TGFA: variants seen among roughly 807,000 people sequenced by gnomAD.
TGFA encodes protransforming growth factor alpha.
In TGFA, 12 loss-of-function variants were observed where a neutral mutation model predicts 21.7. That is an observed-to-expected ratio of 0.55 (90% CI 0.35 to 0.90). TGFA has a LOEUF of 0.90. TGFA is among the 40% of genes least tolerant of loss of function. The pLI is 0.01. For synonymous variants in TGFA, 79 were observed against 88.1 expected (o/e 0.90, Z 0.58); for missense variants, 178 against 210.8 (o/e 0.84, Z 0.96).
intron 2 of TGFA, among the ~76,000 whole-genome samples, chr2:70,477,628 G>A (rs995898570): frequency 2.0e-5 from 3 of 152,174 alleles, no homozygotes; most frequent in East Asian, 1.9e-4. Flanking sequence ...TCTCAGCAGA[G>A]GTAACATGCT....
chr2:70,486,162 G>A (rs1184621650), intron 2 of TGFA, among the ~76,000 whole-genome samples: 2 of 152,172 alleles, frequency 1.3e-5, no homozygotes, highest in African/African-American at 4.8e-5. Context: ...TCTTGCAGAT[G>A]GAGGTCTATA....
intron 1 of TGFA, among the ~76,000 whole-genome samples, chr2:70,535,123 G>A (rs782506625): frequency 6.6e-6 from 1 of 152,100 alleles, no homozygotes; most frequent in Non-Finnish European, 1.5e-5. Flanking sequence ...AATATGTAAG[G>A]TACTGGAAGA....
chr2:70,543,980 T>G (rs1673213972), intron 1 of TGFA, among the ~76,000 whole-genome samples: 2 of 152,150 alleles, frequency 1.3e-5, no homozygotes, highest in Non-Finnish European at 2.9e-5. Flanking sequence ...AAAGGTGGCT[T>G]TAACATAATT....
Position 70,449,647 on chromosome 2 carries a change from T to A in TGFA, c.*1212A>T, listed in dbSNP as rs782586831. ...CTGAATGGAAATGAGGAAAAAAAAA[T>A]TACTGGAATAGTTTTCCTAGTGCTC... On this transcript the variant is annotated 3_prime_UTR_variant, in exon 6 of 6. Coordinates refer to ENST00000295400, the MANE Select transcript of TGFA (RefSeq NM_003236.4). The A allele has an allele frequency of 1.2e-5, 3 of 244,628 alleles. No homozygotes were observed. The highest frequency in any genetic ancestry group is 4.6e-5 in the African/African-American group (2 of 43,562). 15.2% of individuals were successfully genotyped at this position (244,628 alleles called of 1,614,324 possible).
chr2:70,500,626 T>G (rs1455857080), intron 2 of TGFA, among the ~76,000 whole-genome samples: 1 of 152,166 alleles, frequency 6.6e-6, no homozygotes, highest in Non-Finnish European at 1.5e-5. Context: ...ACGTGACCAG[T>G]AGGGAGGAAG....
chr2:70,480,515 A>G (rs1244495311), intron 2 of TGFA, among the ~76,000 whole-genome samples: 1 of 152,152 alleles, frequency 6.6e-6, no homozygotes, highest in Non-Finnish European at 1.5e-5. Flanking sequence ...AGATTGGACT[A>G]AGGGAGGAGT....
At chr2:70,524,471 T>C (rs1483157140) in intron 1 of TGFA, among the ~76,000 whole-genome samples, 2 of 152,192 alleles carry the variant, frequency 1.3e-5, no homozygotes, top group African/African-American at 4.8e-5. Context: ...TCCAAATTCC[T>C]GGAATTTCAA....
chr2:70,513,240 C>T (rs1553501176), intron 2 of TGFA, among the ~76,000 whole-genome samples: 1 of 152,078 alleles, frequency 6.6e-6, no homozygotes, highest in Non-Finnish European at 1.5e-5. Context: ...AGTGTTTGGG[C>T]AGGTCACCAG....
chr2:70,454,164 G>T (rs77711165), intron 4 of TGFA, among the ~76,000 whole-genome samples: 1 of 152,182 alleles, frequency 6.6e-6, no homozygotes, highest in African/African-American at 2.4e-5. Flanking sequence ...CCTGGGCTAG[G>T]GTTGGAGTTA....
intron 2 of TGFA, among the ~76,000 whole-genome samples, chr2:70,496,185 G>A (rs1671574106): frequency 6.6e-6 from 1 of 152,044 alleles, no homozygotes; most frequent in Non-Finnish European, 1.5e-5. Flanking sequence ...CTGAAGCTTG[G>A]ACACTGCTTT....
intron 2 of TGFA, among the ~76,000 whole-genome samples, chr2:70,466,712 A>G (rs192467989): frequency 6.6e-5 from 10 of 152,334 alleles, no homozygotes; most frequent in Non-Finnish European, 1.3e-4. Context: ...AAATCATTCT[A>G]TGATAAAGAT....
intron 1 of TGFA, among the ~76,000 whole-genome samples, chr2:70,521,617 G>GTTTTT (rs35177436): frequency 0.017 from 1,485 of 86,850 alleles, 31 homozygotes; most frequent in East Asian, 0.019. Context: ...TTGTTTGTTT[G>GTTTTT]TTTTTTTTTT....
intron 2 of TGFA, among the ~76,000 whole-genome samples, chr2:70,482,740 A>G (rs1553495929): frequency 6.7e-6 from 1 of 149,698 alleles, no homozygotes; most frequent in African/African-American, 2.5e-5. Flanking sequence ...TTGAGTCTTT[A>G]TTCTATCATC....
At chr2:70,455,511 G>C (rs76862137) in intron 4 of TGFA, among the ~76,000 whole-genome samples, 3,729 of 152,284 alleles carry the variant, frequency 0.024, 174 homozygotes, top group African/African-American at 0.085. Context: ...ACTGTCCTGT[G>C]ACTTCTTTGT....
At chr2:70,526,401 A>C (rs1275767014) in intron 1 of TGFA, among the ~76,000 whole-genome samples, 1 of 152,212 alleles carries the variant, frequency 6.6e-6, no homozygotes, top group Non-Finnish European at 1.5e-5. Flanking sequence ...CTTTTGGTCC[A>C]CTGCCAGATT....
At chr2:70,542,930 C>G (rs1419699364) in intron 1 of TGFA, among the ~76,000 whole-genome samples, 1 of 151,858 alleles carries the variant, frequency 6.6e-6, no homozygotes, top group Non-Finnish European at 1.5e-5. Context: ...TGGTGAAACC[C>G]TATCTCTACT....
At chr2:70,490,294 C>G (rs1559116733) in intron 2 of TGFA, among the ~76,000 whole-genome samples, 1 of 152,188 alleles carries the variant, frequency 6.6e-6, no homozygotes, top group Non-Finnish European at 1.5e-5. Flanking sequence ...ACGAATTGCA[C>G]TATTCAGAGA....
At chr2:70,549,545 G>T (rs117678205) in intron 1 of TGFA, among the ~76,000 whole-genome samples, 1 of 152,136 alleles carries the variant, frequency 6.6e-6, no homozygotes, top group Non-Finnish European at 1.5e-5. Flanking sequence ...CCAATGTAAG[G>T]CCTGCTGTAG....
intron 2 of TGFA, among the ~76,000 whole-genome samples, chr2:70,505,790 T>C (rs1439159653): frequency 6.6e-6 from 1 of 152,208 alleles, no homozygotes; most frequent in East Asian, 1.9e-4. Context: ...TGTTTTGGTA[T>C]TTAAGAAACA....
Sources: allele counts gnomAD v4.1 joint callset (sites outside exome capture counted in the v4.1 genomes callset), GRCh38; gene constraint gnomAD v4.1.1; transcripts MANE v1.5; gene names NCBI Gene and HGNC (gene_info 2026-07-23, HGNC 2026-07-21).